CAP2: variants seen among roughly 807,000 people sequenced by gnomAD.
CAP2 encodes cyclase associated actin cytoskeleton regulatory protein 2.
A neutral mutation model predicts 57.7 loss-of-function variants in CAP2; 24 were observed. The observed-to-expected ratio is 0.42, with a 90% CI of 0.30 to 0.58. The LOEUF (loss-of-function observed/expected upper bound fraction) is 0.58, where lower values mean the gene tolerates loss of function less well. Among genes scored for constraint, CAP2 ranks in the 20% least tolerant of loss-of-function variants. The pLI is 0.22. For synonymous variants in CAP2, 194 were observed against 207.2 expected (o/e 0.94, Z 0.55); for missense variants, 501 against 590.3 (o/e 0.85, Z 1.57).
At chr6:17,426,981 A>G (rs1032197683) in intron 3 of CAP2, among the ~76,000 whole-genome samples, 5 of 152,206 alleles carry the variant, frequency 3.3e-5, no homozygotes, top group African/African-American at 1.2e-4. Flanking sequence ...AACAGATGAT[A>G]TATACAAATA....
At chr6:17,437,876 G>A (rs570522575) in intron 3 of CAP2, among the ~76,000 whole-genome samples, 15 of 152,032 alleles carry the variant, frequency 9.9e-5, no homozygotes, top group African/African-American at 2.4e-4. Flanking sequence ...GCACGACTCC[G>A]TCTCAAAGAA....
intron 3 of CAP2, among the ~76,000 whole-genome samples, chr6:17,443,394 C>G (rs2143451): frequency 0.52 from 78,507 of 152,050 alleles, 20,763 homozygotes; most frequent in East Asian, 0.84. Context: ...CTTTCTAAAA[C>G]TGTGCCCATA....
chr6:17,418,685 G>A (rs911509073), intron 1 of CAP2, among the ~76,000 whole-genome samples: 5 of 151,538 alleles, frequency 3.3e-5, no homozygotes, highest in African/African-American at 7.3e-5. Flanking sequence ...TTTTTCTATC[G>A]CAGGCTAGGT....
At chr6:17,543,577 A>T (rs1320601430) in intron 11 of CAP2, among the ~76,000 whole-genome samples, 3 of 148,300 alleles carry the variant, frequency 2.0e-5, no homozygotes, top group Non-Finnish European at 4.4e-5. Context: ...GCGAGCCAAG[A>T]TCGCGCCACT....
intron 1 of CAP2, among the ~76,000 whole-genome samples, chr6:17,413,168 T>C (rs777610223): frequency 4.0e-5 from 6 of 151,894 alleles, no homozygotes; most frequent in Non-Finnish European, 7.4e-5. Flanking sequence ...CCTAGAGGAG[T>C]CAGTTGGCTA....
chr6:17,434,842 C>CA (rs1350368173), intron 3 of CAP2, among the ~76,000 whole-genome samples: 2 of 150,298 alleles, frequency 1.3e-5, no homozygotes, highest in Non-Finnish European at 2.9e-5. Context: ...AAGAAAAAAA[C>CA]AAACAACCCC....
At position 17,393,930 on chromosome 6, in the gene CAP2, G is replaced by A. The variant is rs867251577; in HGVS notation, c.-2+184G>A. 6.4e-4 allele frequency among the ~76,000 whole-genome samples: 94 copies of A among 147,232 alleles called. 1 individual carries two copies. The highest frequency in any genetic ancestry group is 2.2e-3 in the African/African-American group (91 of 40,894). On this transcript the variant is annotated intron_variant, in intron 1 of 12. Transcript: ENST00000229922. The stretch of plus-strand genomic sequence containing the variant: ...GCGGCGCGGGCGCGGGGGCCGGGGC[G>A]CGGCGACCCGGGCGCGGGGCGCGGG...
intron 1 of CAP2, among the ~76,000 whole-genome samples, chr6:17,402,920 A>G (rs1048624938): frequency 6.6e-6 from 1 of 152,336 alleles, no homozygotes; most frequent in South Asian, 2.1e-4. Context: ...GACAATTAAA[A>G]TAAGTTTTGA....
rs777669121 is a variant in CAP2, at chr6:17,421,540, C to A, written c.-1-15C>A. On this transcript the variant is annotated splice_polypyrimidine_tract_variant and intron_variant, in intron 1 of 12. Coordinates refer to ENST00000229922, the MANE Select transcript of CAP2 (RefSeq NM_006366.3). ...GATGCTCACGCAGCCTCCATTTGTG[C>A]CTGTGCTTTTCTAGAATGGCCAACA... The A allele has an allele frequency of 1.8e-5, 29 of 1,613,940 alleles. No individual in the cohort carries two copies. In the South Asian group the frequency reaches 3.2e-4, roughly 18 times the overall value.
chr6:17,482,949 G>C (rs777035520), intron 4 of CAP2, among the ~76,000 whole-genome samples: 1 of 152,252 alleles, frequency 6.6e-6, no homozygotes, highest in African/African-American at 2.4e-5. Flanking sequence ...GTGTAATGCA[G>C]GCGTCATTTG....
intron 1 of CAP2, among the ~76,000 whole-genome samples, chr6:17,408,642 A>G (rs978516163): frequency 6.6e-6 from 1 of 151,170 alleles, no homozygotes; most frequent in South Asian, 2.1e-4. Flanking sequence ...GTAACTGACT[A>G]TATGAAATGA....
In CAP2 at chr6:17,475,122, G is replaced by A. The variant is rs190155581; in HGVS notation, c.300+12049G>A. Among the ~76,000 whole-genome samples the A allele has an allele frequency of 1.4e-3, 217 of 151,902 alleles. 1 individual carries two copies. Among genetic ancestry groups the A allele is most frequent in the African/African-American group, 5.0e-3 (206 of 41,388 alleles). On this transcript the variant is annotated intron_variant, in intron 4 of 12. Coordinates refer to ENST00000229922, the MANE Select transcript of CAP2 (RefSeq NM_006366.3). ...AGGCAGGAGAATCACTTGAACCTGG[G>A]AGGCGGAGGTTGCAGTGAGCTGAGA...
chr6:17,397,512 G>A (rs961858867), intron 1 of CAP2, among the ~76,000 whole-genome samples: 1 of 151,656 alleles, frequency 6.6e-6, no homozygotes, highest in African/African-American at 2.4e-5. Flanking sequence ...GGCTAACGTG[G>A]TGAAACCCCA....
intron 7 of CAP2, among the ~76,000 whole-genome samples, chr6:17,521,551 C>A (rs1762392066): frequency 6.6e-6 from 1 of 152,190 alleles, no homozygotes; most frequent in South Asian, 2.1e-4. Flanking sequence ...GCTTAAGCAT[C>A]TACTATGCAC....
chr6:17,449,182 A>G (rs951955446), intron 3 of CAP2, among the ~76,000 whole-genome samples: 1 of 152,182 alleles, frequency 6.6e-6, no homozygotes, highest in African/African-American at 2.4e-5. Context: ...GGCTTGGACT[A>G]AGGTGACACA....
At chr6:17,435,206 A>G (rs146993763) in intron 3 of CAP2, among the ~76,000 whole-genome samples, 73 of 109,604 alleles carry the variant, frequency 6.7e-4, no homozygotes, top group African/African-American at 2.3e-3. Flanking sequence ...AGTATAAATC[A>G]TGCTGCTATA....
intron 4 of CAP2, among the ~76,000 whole-genome samples, chr6:17,502,486 G>A (rs1391789110): frequency 6.6e-6 from 1 of 151,890 alleles, no homozygotes; most frequent in Non-Finnish European, 1.5e-5. Flanking sequence ...GCAAATAGCT[G>A]TTGTACTTAG....
intron 8 of CAP2, 124 bp downstream of exon 8, chr6:17,539,582 G>C (rs565140002): frequency 2.5e-5 from 18 of 724,104 alleles, no homozygotes; most frequent in Non-Finnish European, 4.0e-5. Flanking sequence ...TGCAGGGAGA[G>C]GGGGAACTGG....
chr6:17,529,368 G>A (rs1045741320), intron 7 of CAP2, among the ~76,000 whole-genome samples: 9 of 152,052 alleles, frequency 5.9e-5, no homozygotes, highest in East Asian at 1.9e-4. Context: ...CTGTCTGGGC[G>A]TGGTGGCTCA....
Sources: allele counts gnomAD v4.1 joint callset (sites outside exome capture counted in the v4.1 genomes callset), GRCh38; gene constraint gnomAD v4.1.1; transcripts MANE v1.5; gene names NCBI Gene and HGNC (gene_info 2026-07-23, HGNC 2026-07-21).